The following RFTN2 variants were observed in gnomAD, a reference collection of about 807,000 sequenced individuals.
RFTN2 encodes raftlin-2.
RFTN2 carries 34 observed loss-of-function variants against 52.7 expected under a neutral mutation model. The observed-to-expected ratio is 0.64, with a 90% CI of 0.49 to 0.86. RFTN2 has a LOEUF of 0.86. Among genes scored for constraint, RFTN2 ranks in the 40% least tolerant of loss-of-function variants. RFTN2 has a pLI of 0.00. For missense variants in RFTN2, 536 were observed against 600.1 expected, an observed-to-expected ratio of 0.89 and a Z score of 1.12; for synonymous variants, 203 against 217.7, an observed-to-expected ratio of 0.93 and a Z score of 0.59.
rs1459226670 is a variant in RFTN2 at position 197,611,502 on chromosome 2, TTTC to T, written c.1154+4371_1154+4373del. Among the ~76,000 whole-genome samples, 8 of 152,326 alleles carry T rather than the reference TTTC, an allele frequency of 5.3e-5. No homozygotes were observed. The South Asian group carries it at 1.2e-3, about 24-fold the overall frequency. ...TTGCGTCTATTTGATTCTTCTCTCTTTTCTTCTTTATTAGTCTGGCTAGTGGTC... is the reference window on the plus strand; with the variant it reads ...TTGCGTCTATTTGATTCTTCTCTCTTTTCTTTATTAGTCTGGCTAGTGGTC... On this transcript the variant is annotated intron_variant, in intron 7 of 8. Coordinates refer to ENST00000295049, the MANE Select transcript of RFTN2 (RefSeq NM_144629.3).
At chr2:197,653,418 G>A (rs2088850432) in intron 1 of RFTN2, among the ~76,000 whole-genome samples, 1 of 152,136 alleles carries the variant, frequency 6.6e-6, no homozygotes, top group South Asian at 2.1e-4. Context: ...TCACACAGAA[G>A]AGGCTGGCAG....
chr2:197,614,280 A>G (rs2088107187), intron 7 of RFTN2, among the ~76,000 whole-genome samples: 1 of 152,210 alleles, frequency 6.6e-6, no homozygotes, highest in Non-Finnish European at 1.5e-5. Context: ...TTTAAAATTC[A>G]GAATGGCGTG....
chr2:197,586,747 A>G (rs189129374), intron 8 of RFTN2, among the ~76,000 whole-genome samples: 2 of 152,244 alleles, frequency 1.3e-5, no homozygotes, highest in East Asian at 1.9e-4. Flanking sequence ...AGCATCACAG[A>G]CGTATCACAA....
chr2:197,618,037 A>G (rs2088175327), intron 5 of RFTN2, 116 bp from the exon 6 acceptor site: 1 of 755,108 alleles, frequency 1.3e-6, no homozygotes, highest in Non-Finnish European at 1.9e-6. Flanking sequence ...TCAATTAAAA[A>G]ACATTTGTTG....
intron 7 of RFTN2, among the ~76,000 whole-genome samples, chr2:197,603,175 C>G (rs557876928): frequency 6.6e-6 from 1 of 152,030 alleles, no homozygotes; most frequent in African/African-American, 2.4e-5. Flanking sequence ...TATACATGCA[C>G]GTTGTGCACA....
chr2:197,615,692 A>G (rs559639790), intron 7 of RFTN2, among the ~76,000 whole-genome samples, 184 bp downstream of exon 7: 1 of 152,340 alleles, frequency 6.6e-6, no homozygotes, highest in African/African-American at 2.4e-5. Flanking sequence ...AGAGCCTAAC[A>G]GCTTATACAT....
chr2:197,614,496 G>C (rs556692051), intron 7 of RFTN2, among the ~76,000 whole-genome samples: 8 of 152,316 alleles, frequency 5.3e-5, no homozygotes, highest in African/African-American at 1.9e-4. Flanking sequence ...CAAGGACCTA[G>C]GTACTGAGAG....
intron 1 of RFTN2, among the ~76,000 whole-genome samples, chr2:197,664,594 AC>A (rs1336129563): frequency 6.6e-6 from 1 of 151,448 alleles, no homozygotes; most frequent in African/African-American, 2.4e-5. Flanking sequence ...ACAGAGTGAG[AC>A]CCCTAGTTCT....
rs370640813 is a variant in RFTN2, at chr2:197,653,994, T to G, written c.140-7328A>C. 9.8e-5 allele frequency among the ~76,000 whole-genome samples: 15 copies of G among 152,378 alleles called. No individual in the cohort carries two copies. In the South Asian group the frequency reaches 3.1e-3, roughly 32 times the overall value. ...AACATAAAACCAGGATCATTTATCTTAAGTAGAAAGCTGTCATACAAATAA... is the reference window on the plus strand; with the variant it reads ...AACATAAAACCAGGATCATTTATCTGAAGTAGAAAGCTGTCATACAAATAA... On this transcript the variant is annotated intron_variant, in intron 1 of 8. Coordinates refer to ENST00000295049, the MANE Select transcript of RFTN2 (RefSeq NM_144629.3).
intron 8 of RFTN2, among the ~76,000 whole-genome samples, chr2:197,573,750 G>A (rs973292880): frequency 1.3e-5 from 2 of 152,208 alleles, no homozygotes; most frequent in East Asian, 1.9e-4. Flanking sequence ...AGGAAAAAAT[G>A]TTTTTGTGGG....
At position 197,644,864 on chromosome 2, in the gene RFTN2, G is replaced by A. The variant is rs546560561; in HGVS notation, c.324-592C>T. On this transcript the variant is annotated intron_variant, in intron 2 of 8. Transcript: ENST00000295049. ...CATATTCTAGTGAAAGCTGAAGCCT[G>A]TACACACCCTGCCAGACATGTTAAA... Among the ~76,000 whole-genome samples, 78 of 152,312 alleles carry A rather than the reference G, an allele frequency of 5.1e-4. 1 individual carries two copies. The South Asian group carries it at 0.012, about 23-fold the overall frequency.
At chr2:197,596,211 C>T in intron 7 of RFTN2, 142 bp from the exon 8 acceptor site, 1 of 468,504 alleles carries the variant, frequency 2.1e-6, no homozygotes. Context: ...TTTTTTTCTT[C>T]CAGTGATGGA....
In RFTN2 at chr2:197,571,926, G is replaced by A; in HGVS notation, c.*82C>T. On this transcript the variant is annotated 3_prime_UTR_variant, in exon 9 of 9. Coordinates refer to ENST00000295049, the MANE Select transcript of RFTN2 (RefSeq NM_144629.3). ...AAAAATTCAAAAATATTACATAAAT[G>A]CAGAGAAAGTAATACAATAAGGTCA... The A allele has an allele frequency of 7.1e-7, 1 of 1,409,410 alleles. No individual in the cohort carries two copies. Among genetic ancestry groups the A allele is most frequent in the Non-Finnish European group, 9.8e-7 (1 of 1,016,552 alleles). 87.3% of individuals were successfully genotyped at this position (1,409,410 alleles called of 1,614,324 possible). A position where few individuals can be genotyped will look rare whatever the true frequency, so the allele number is the denominator to read the frequency against.
In RFTN2 at chr2:197,592,061, C is replaced by T. The variant is rs1386888152; in HGVS notation, c.1233+3930G>A. Among the ~76,000 whole-genome samples, 14 of 152,168 alleles carry T rather than the reference C, an allele frequency of 9.2e-5. 1 individual carries two copies. ...AGTGTGGCCAGAGTGGGCGCCCAGG[C>T]TGAGGAGGCGCGGAGAGTGAGTGAG... On this transcript the variant is annotated intron_variant, in intron 8 of 8. Transcript: ENST00000295049.
intron 7 of RFTN2, among the ~76,000 whole-genome samples, chr2:197,603,377 A>G (rs1201932255): frequency 6.6e-6 from 1 of 152,252 alleles, no homozygotes; most frequent in African/African-American, 2.4e-5. Flanking sequence ...TAGAGTAAAA[A>G]GACAAGCCAC....
intron 8 of RFTN2, among the ~76,000 whole-genome samples, chr2:197,584,751 T>A (rs1175158515): frequency 6.6e-6 from 1 of 152,148 alleles, no homozygotes; most frequent in Non-Finnish European, 1.5e-5. Flanking sequence ...GTACAGTCCA[T>A]TGAACTTTTA....
intron 7 of RFTN2, among the ~76,000 whole-genome samples, chr2:197,600,200 A>G (rs1374171243): frequency 1.3e-5 from 2 of 152,150 alleles, no homozygotes; most frequent in African/African-American, 4.8e-5. Flanking sequence ...ACTGACGAGT[A>G]ATGCCTTCCA....
intron 8 of RFTN2, among the ~76,000 whole-genome samples, chr2:197,574,084 G>A (rs2087372360): frequency 6.6e-6 from 1 of 152,226 alleles, no homozygotes; most frequent in South Asian, 2.1e-4. Context: ...CCCACATGGA[G>A]TCCCTACTGG....
chr2:197,578,861 A>G (rs1377355126), intron 8 of RFTN2, among the ~76,000 whole-genome samples: 1 of 152,184 alleles, frequency 6.6e-6, no homozygotes, highest in Non-Finnish European at 1.5e-5. Flanking sequence ...AGAAAGATCC[A>G]TCTACAACCT....
Sources: allele counts gnomAD v4.1 joint callset (sites outside exome capture counted in the v4.1 genomes callset), GRCh38; gene constraint gnomAD v4.1.1; transcripts MANE v1.5; gene names NCBI Gene and HGNC (gene_info 2026-07-23, HGNC 2026-07-21).